The following PEX7 variants were observed in gnomAD, a reference collection of about 807,000 sequenced individuals.
The protein encoded by PEX7 is peroxisomal biogenesis factor 7.
In PEX7, 34 loss-of-function variants were observed where a neutral mutation model predicts 47.5. That is an observed-to-expected ratio of 0.72 (90% CI 0.54 to 0.95). The LOEUF (loss-of-function observed/expected upper bound fraction) is 0.95. Among genes scored for constraint, PEX7 ranks in the 40% least tolerant of loss-of-function variants. The pLI is 0.00. For missense variants in PEX7, 394 were observed against 400.3 expected, an observed-to-expected ratio of 0.98 and a Z score of 0.13; for synonymous variants, 141 against 148.8, an observed-to-expected ratio of 0.95 and a Z score of 0.38.
intron 6 of PEX7, among the ~76,000 whole-genome samples, chr6:136,867,946 C>G (rs1306688193): frequency 6.6e-6 from 1 of 151,820 alleles, no homozygotes; most frequent in Non-Finnish European, 1.5e-5. Context: ...CTCATTCACT[C>G]ACTGACTCAC....
chr6:136,853,780 T>C (rs1277618710), intron 5 of PEX7, among the ~76,000 whole-genome samples: 1 of 152,232 alleles, frequency 6.6e-6, no homozygotes, highest in Non-Finnish European at 1.5e-5. Context: ...ATACTAGTAA[T>C]GCCTATGTAT....
At position 136,872,398 on chromosome 6, in the gene PEX7, T is replaced by C. The variant is rs1050336012; in HGVS notation, c.803+145T>C. On this transcript the variant is annotated intron_variant, in intron 8 of 9. Coordinates refer to ENST00000318471, the MANE Select transcript of PEX7 (RefSeq NM_000288.4). ...ATTTAAATATTTACTAGGATTAATA[T>C]TATATTTTTCCTGTTTTCGTGATCC... 23 of 684,986 alleles carry C rather than the reference T, an allele frequency of 3.4e-5. No homozygotes were observed. In the Admixed American group the frequency reaches 5.7e-4, roughly 17 times the overall value. 42.4% of individuals were successfully genotyped at this position (684,986 alleles called of 1,614,324 possible).
chr6:136,902,083 C>G (rs1230472936), intron 9 of PEX7, among the ~76,000 whole-genome samples: 1 of 152,210 alleles, frequency 6.6e-6, no homozygotes, highest in Non-Finnish European at 1.5e-5. Flanking sequence ...CTGCGCCCAG[C>G]CAAGTTATTT....
intron 8 of PEX7, among the ~76,000 whole-genome samples, chr6:136,888,505 T>C (rs921352104): frequency 1.3e-5 from 2 of 152,158 alleles, no homozygotes; most frequent in Non-Finnish European, 2.9e-5. Flanking sequence ...CCAATAACTT[T>C]AGAAAAGCAT....
At chr6:136,867,320 A>T (rs1582758148) in intron 6 of PEX7, among the ~76,000 whole-genome samples, 2 of 152,162 alleles carry the variant, frequency 1.3e-5, no homozygotes, top group Non-Finnish European at 2.9e-5. Context: ...TCAGCCAGTG[A>T]CAGATTGCAT....
chr6:136,904,326 T>C (rs776490843), intron 9 of PEX7, among the ~76,000 whole-genome samples: 4 of 152,208 alleles, frequency 2.6e-5, no homozygotes, highest in Non-Finnish European at 4.4e-5. Context: ...GTCCTTGTTG[T>C]TTTCGCCAAG....
intron 8 of PEX7, among the ~76,000 whole-genome samples, chr6:136,876,043 T>C (rs530987387): frequency 8.1e-5 from 2 of 24,722 alleles, no homozygotes; most frequent in Non-Finnish European, 1.8e-4. Flanking sequence ...TTTCATTAAA[T>C]TTTTTTTTTT....
chr6:136,877,930 C>G (rs747761745), intron 8 of PEX7, among the ~76,000 whole-genome samples: 11 of 152,168 alleles, frequency 7.2e-5, no homozygotes, highest in Admixed American at 2.6e-4. Flanking sequence ...TTCTTCCTAT[C>G]CATGAGCATG....
At chr6:136,835,505 T>C (rs1774369842) in intron 3 of PEX7, among the ~76,000 whole-genome samples, 2 of 152,184 alleles carry the variant, frequency 1.3e-5, no homozygotes, top group Admixed American at 1.3e-4. Context: ...GCCAGGCTGG[T>C]CTCGAACTCC....
At chr6:136,866,969 G>A (rs1179091213) in intron 6 of PEX7, among the ~76,000 whole-genome samples, 1 of 152,130 alleles carries the variant, frequency 6.6e-6, no homozygotes, top group Non-Finnish European at 1.5e-5. Context: ...AACAGTGCAG[G>A]CTTACTTGTT....
intron 9 of PEX7, among the ~76,000 whole-genome samples, chr6:136,908,110 A>G (rs369592971): frequency 6.6e-6 from 1 of 152,290 alleles, no homozygotes; most frequent in East Asian, 1.9e-4. Flanking sequence ...TGTATATGCC[A>G]TACATACCTC....
intron 3 of PEX7, among the ~76,000 whole-genome samples, chr6:136,834,149 T>C (rs1244448735): frequency 6.6e-6 from 1 of 152,080 alleles, no homozygotes; most frequent in African/African-American, 2.4e-5. Context: ...TAGTTAGTAG[T>C]TTTTAGTAGT....
chr6:136,903,647 G>C (rs1455956512), intron 9 of PEX7, among the ~76,000 whole-genome samples: 1 of 151,578 alleles, frequency 6.6e-6, no homozygotes, highest in African/African-American at 2.4e-5. Context: ...TAGTTCTTTA[G>C]ATATATTTTT....
At chr6:136,899,080 C>CTTTTTTTTTTTTT (rs71547049) in intron 9 of PEX7, among the ~76,000 whole-genome samples, 2 of 111,978 alleles carry the variant, frequency 1.8e-5, no homozygotes, top group African/African-American at 3.4e-5. Flanking sequence ...TTTTTCTTTT[C>CTTTTTTTTTTTTT]TTTTTTTTTT....
chr6:136,887,113 A>C (rs1051771335), intron 8 of PEX7, among the ~76,000 whole-genome samples: 25 of 152,100 alleles, frequency 1.6e-4, no homozygotes, highest in African/African-American at 5.8e-4. Flanking sequence ...CCTATTTAGA[A>C]ATTTTCCCCT....
chr6:136,889,321 T>G (rs776565590), intron 8 of PEX7, among the ~76,000 whole-genome samples: 3 of 152,208 alleles, frequency 2.0e-5, no homozygotes, highest in African/African-American at 4.8e-5. Context: ...GGAAAGAAAC[T>G]TGTAAGACTT....
At chr6:136,855,774 G>T in intron 5 of PEX7, 1 of 382,930 alleles carries the variant, frequency 2.6e-6, no homozygotes, top group South Asian at 2.2e-5. Flanking sequence ...TATTTCGTTT[G>T]CCCCACTGGA....
chr6:136,832,895 T>C (rs950981367), intron 3 of PEX7, among the ~76,000 whole-genome samples: 1 of 152,202 alleles, frequency 6.6e-6, no homozygotes, highest in African/African-American at 2.4e-5. Context: ...ACTATTAGCA[T>C]TTTGTTCAGA....
chr6:136,842,586 A>G (rs983423959), intron 3 of PEX7, among the ~76,000 whole-genome samples: 3 of 152,134 alleles, frequency 2.0e-5, no homozygotes, highest in Admixed American at 6.5e-5. Context: ...GATGATGAGT[A>G]TTTACTTAGT....
Sources: gnomAD v4.1 joint callset for allele counts (sites outside exome capture counted in the v4.1 genomes callset) on GRCh38, gnomAD v4.1.1 for gene constraint, MANE v1.5 for transcripts, NCBI Gene and HGNC (gene_info 2026-07-23, HGNC 2026-07-21) for gene names.